The following SEMA6D variants were observed in gnomAD, a reference collection of about 807,000 sequenced individuals.
The protein encoded by SEMA6D is semaphorin 6D.
Under a neutral mutation model 106.6 loss-of-function variants are expected in SEMA6D, and 35 were observed. That is an observed-to-expected ratio of 0.33 (90% CI 0.25 to 0.44). SEMA6D has a LOEUF of 0.44. Ranked by LOEUF, SEMA6D falls within the 20% of genes least tolerant of loss-of-function variation. The probability of loss-of-function intolerance (pLI) is 1.00; values close to 1 mark genes in which losing one functional copy is unlikely to be tolerated. For synonymous variants in SEMA6D, 499 were observed against 487.7 expected (o/e 1.02, Z -0.31); for missense variants, 1,185 against 1,345.9 (o/e 0.88, Z 1.87).
At chr15:47,392,849 T>A (rs2040084750) in intron 1 of SEMA6D, among the ~76,000 whole-genome samples, 1 of 152,212 alleles carries the variant, frequency 6.6e-6, no homozygotes, top group Non-Finnish European at 1.5e-5. Flanking sequence ...AGGCTTCCAA[T>A]GAAAACAAGG....
At chr15:47,322,331 G>A (rs1050157487) in intron 1 of SEMA6D, among the ~76,000 whole-genome samples, 3 of 149,812 alleles carry the variant, frequency 2.0e-5, no homozygotes, top group Non-Finnish European at 4.4e-5. Context: ...ATCTGATCCA[G>A]GATCTTATAC....
chr15:47,381,259 G>T (rs1291416027), intron 1 of SEMA6D, among the ~76,000 whole-genome samples: 1 of 152,214 alleles, frequency 6.6e-6, no homozygotes, highest in African/African-American at 2.4e-5. Context: ...GGTTCAACCA[G>T]AAATTTGAAC....
At chr15:47,565,752 A>C (rs1566894937) in intron 3 of SEMA6D, among the ~76,000 whole-genome samples, 1 of 152,172 alleles carries the variant, frequency 6.6e-6, no homozygotes, top group African/African-American at 2.4e-5. Context: ...CAACTCTATC[A>C]TTGTAAAATT....
At chr15:47,225,409 T>C (rs1158065988) in intron 1 of SEMA6D, among the ~76,000 whole-genome samples, 5 of 152,092 alleles carry the variant, frequency 3.3e-5, no homozygotes, top group South Asian at 4.1e-4. Context: ...TGATACATGA[T>C]GTGGAACATC....
At chr15:47,195,809 A>T (rs1477996945) in intron 1 of SEMA6D, among the ~76,000 whole-genome samples, 1 of 152,176 alleles carries the variant, frequency 6.6e-6, no homozygotes, top group Non-Finnish European at 1.5e-5. Context: ...TTGAGGGTGG[A>T]CACGATGTCT....
At chr15:47,650,920 G>T (rs947594431) in intron 4 of SEMA6D, among the ~76,000 whole-genome samples, 1 of 152,166 alleles carries the variant, frequency 6.6e-6, no homozygotes, top group Non-Finnish European at 1.5e-5. Context: ...CTGCATCATT[G>T]ATTCATTAGA....
At chr15:47,672,707 A>G (rs906480979) in intron 4 of SEMA6D, among the ~76,000 whole-genome samples, 4 of 152,188 alleles carry the variant, frequency 2.6e-5, no homozygotes, top group Admixed American at 2.6e-4. Context: ...TTCTGGTTCA[A>G]TAATGGTAAT....
chr15:47,252,504 A>G (rs1319149505), intron 1 of SEMA6D, among the ~76,000 whole-genome samples: 1 of 152,052 alleles, frequency 6.6e-6, no homozygotes, highest in Non-Finnish European at 1.5e-5. Context: ...TACTCTTCCT[A>G]TCTAACTGTT....
chr15:47,706,723 TTC>T lies in SEMA6D; in HGVS notation c.-54-53007_-54-53006del, dbSNP rs141488630. 4.6e-5 allele frequency among the ~76,000 whole-genome samples: 7 copies of T among 151,554 alleles called. No homozygotes were observed. The East Asian group carries it at 7.8e-4, about 17-fold the overall frequency. On this transcript the variant is annotated intron_variant, in intron 4 of 19. Transcript: ENST00000558014. Reference sequence around the variant, plus strand: ...TCTCTCTCTCTCTTTCTCTCTATTTTTCTCTCTCTCTCTCTCCTCTAGATATT... The same window carrying T: ...TCTCTCTCTCTCTTTCTCTCTATTTTTCTCTCTCTCTCTCCTCTAGATATT...
At chr15:47,393,159 A>G (rs900404922) in intron 1 of SEMA6D, among the ~76,000 whole-genome samples, 3 of 152,258 alleles carry the variant, frequency 2.0e-5, no homozygotes, top group Non-Finnish European at 4.4e-5. Context: ...TCTAGAACCT[A>G]CATTATTCTA....
At chr15:47,654,107 A>C (rs1031618545) in intron 4 of SEMA6D, among the ~76,000 whole-genome samples, 59 of 152,330 alleles carry the variant, frequency 3.9e-4, no homozygotes, top group African/African-American at 1.4e-3. Context: ...AAAATGAAGA[A>C]GAAAGAAGGG....
rs1356321437 is a variant in SEMA6D at position 47,771,866 on chromosome 15, A to C, written c.*81A>C. The C allele has an allele frequency of 2.2e-6, 3 of 1,367,612 alleles. No homozygotes were observed. In the African/African-American group the frequency reaches 4.4e-5, roughly 20 times the overall value. 84.7% of individuals were successfully genotyped at this position (1,367,612 alleles called of 1,614,324 possible). The stretch of plus-strand genomic sequence containing the variant: ...GATGTTGTAAGGGTACCTTAAAACA[A>C]GAGACTCGCTTGTATTTTAAGAGAA... On this transcript the variant is annotated 3_prime_UTR_variant, in exon 19 of 19. Transcript: ENST00000536845.
At chr15:47,348,172 C>T (rs1039566129) in intron 1 of SEMA6D, among the ~76,000 whole-genome samples, 23 of 152,258 alleles carry the variant, frequency 1.5e-4, no homozygotes, top group African/African-American at 5.1e-4. Context: ...ATTTGCTCTT[C>T]CTTTACTTCA....
chr15:47,662,177 C>A (rs2077934860), intron 4 of SEMA6D, among the ~76,000 whole-genome samples: 1 of 152,148 alleles, frequency 6.6e-6, no homozygotes, highest in Non-Finnish European at 1.5e-5. Context: ...TACAGAGATG[C>A]AATGTTGGAG....
At chr15:47,298,141 A>G (rs2142960406) in intron 1 of SEMA6D, among the ~76,000 whole-genome samples, 1 of 152,300 alleles carries the variant, frequency 6.6e-6, no homozygotes. Context: ...AGTAATGGGA[A>G]TGATGTGGTG....
intron 1 of SEMA6D, among the ~76,000 whole-genome samples, chr15:47,343,374 T>C (rs2037905971): frequency 6.6e-6 from 1 of 151,860 alleles, no homozygotes; most frequent in African/African-American, 2.4e-5. Flanking sequence ...TCATTTAGCG[T>C]TAGGTATATC....
At chr15:47,469,215 A>G (rs975753092) in intron 2 of SEMA6D, among the ~76,000 whole-genome samples, 1 of 151,594 alleles carries the variant, frequency 6.6e-6, no homozygotes, top group Non-Finnish European at 1.5e-5. Flanking sequence ...TGATTTTAAA[A>G]CTCTTAACAG....
Position 47,743,490 on chromosome 15 carries a change from A to T in SEMA6D, c.-54-16255A>T, listed in dbSNP as rs189981524. ...TTTTTGGGAGTTTATTTGCAGACGT[A>T]AAAGGCAGTTCCTGAACTCAAAGAA... On this transcript the variant is annotated intron_variant, in intron 1 of 18. Transcript: ENST00000536845. Among the ~76,000 whole-genome samples, 7 of 152,298 alleles carry T rather than the reference A, an allele frequency of 4.6e-5. No individual in the cohort carries two copies. In the East Asian group the frequency reaches 1.3e-3, roughly 29 times the overall value.
chr15:47,422,296 AC>A, intron 2 of SEMA6D, among the ~76,000 whole-genome samples: 1 of 151,410 alleles, frequency 6.6e-6, no homozygotes, highest in Non-Finnish European at 1.5e-5. Flanking sequence ...TAAAAACCAA[AC>A]CTAGTAATCA....
Sources: gnomAD v4.1 joint callset for allele counts (sites outside exome capture counted in the v4.1 genomes callset) on GRCh38, gnomAD v4.1.1 for gene constraint, MANE v1.5 for transcripts, NCBI Gene and HGNC (gene_info 2026-07-23, HGNC 2026-07-21) for gene names.